The following FHIT variants were observed in gnomAD, a reference collection of about 807,000 sequenced individuals.
FHIT encodes bis(5'-adenosyl)-triphosphatase.
Under a neutral mutation model 17.9 loss-of-function variants are expected in FHIT, and 19 were observed. The ratio of observed to expected loss-of-function variants is 1.06; its 90% CI spans 0.74 to 1.56. FHIT has a LOEUF of 1.56. FHIT is among the 40% of genes most tolerant of loss of function. The pLI, the probability that FHIT is intolerant of heterozygous loss-of-function variation, is 0.00. For missense variants in FHIT, 248 were observed against 189.2 expected, an observed-to-expected ratio of 1.31 and a Z score of -1.82; for synonymous variants, 81 against 69.7, an observed-to-expected ratio of 1.16 and a Z score of -0.81.
intron 5 of FHIT, among the ~76,000 whole-genome samples, chr3:60,232,914 C>G (rs984596215): frequency 3.9e-5 from 6 of 152,162 alleles, no homozygotes. Flanking sequence ...ATACTGTCAA[C>G]TTTTAGAAGT....
At chr3:60,861,202 G>GT (rs1491289945) in intron 3 of FHIT, among the ~76,000 whole-genome samples, 1 of 452 alleles carries the variant, frequency 2.2e-3, no homozygotes, top group African/African-American at 8.3e-3. Context: ...TATCATATAT[G>GT]ATATATATGA....
intron 5 of FHIT, among the ~76,000 whole-genome samples, chr3:60,067,597 T>A (rs1200237747): frequency 6.6e-6 from 1 of 152,198 alleles, no homozygotes; most frequent in Non-Finnish European, 1.5e-5. Context: ...GCTTAACTTA[T>A]CAATTGCCAT....
chr3:61,216,896 A>G (rs2039694028), intron 1 of FHIT, among the ~76,000 whole-genome samples: 5 of 152,000 alleles, frequency 3.3e-5, no homozygotes, highest in Admixed American at 2.0e-4. Context: ...TCGCAAGGAC[A>G]AAAAACCAAA....
intron 8 of FHIT, among the ~76,000 whole-genome samples, chr3:59,788,994 C>T (rs900211055): frequency 1.3e-4 from 19 of 149,286 alleles, no homozygotes; most frequent in African/African-American, 4.7e-4. Context: ...ACCACTATGA[C>T]AGCCCCGCTA....
intron 4 of FHIT, among the ~76,000 whole-genome samples, chr3:60,549,025 G>A (rs2036460696): frequency 6.6e-6 from 1 of 152,044 alleles, no homozygotes. Context: ...TTCTTCTCAA[G>A]GACACACATA....
At chr3:60,308,979 C>G (rs1708813274) in intron 5 of FHIT, among the ~76,000 whole-genome samples, 1 of 152,112 alleles carries the variant, frequency 6.6e-6, no homozygotes. Context: ...ATCACACACC[C>G]AGTACGAAAA....
At chr3:60,102,805 A>G (rs1704247909) in intron 5 of FHIT, among the ~76,000 whole-genome samples, 1 of 152,190 alleles carries the variant, frequency 6.6e-6, no homozygotes, top group Admixed American at 6.5e-5. Flanking sequence ...AATGTGCAGG[A>G]TAATTTTCAA....
intron 4 of FHIT, among the ~76,000 whole-genome samples, chr3:60,601,953 A>T (rs1345517589): frequency 6.6e-6 from 1 of 152,166 alleles, no homozygotes; most frequent in African/African-American, 2.4e-5. Flanking sequence ...CTGAAAACTA[A>T]ATTACCATGA....
intron 5 of FHIT, among the ~76,000 whole-genome samples, chr3:60,466,290 C>G (rs1479897813): frequency 6.6e-6 from 1 of 151,964 alleles, no homozygotes; most frequent in Non-Finnish European, 1.5e-5. Flanking sequence ...TTGGTAGAGT[C>G]TTTAGATTTT....
rs560834616 is a variant in FHIT at position 60,887,933 on chromosome 3, C to T, written c.-110-65922G>A. ...ATGAACGTCTATATGGAAAATAATGCGATATCTGAGCTAAAAGGACTCTTA... is the reference window on the plus strand; with the variant it reads ...ATGAACGTCTATATGGAAAATAATGTGATATCTGAGCTAAAAGGACTCTTA... On this transcript the variant is annotated intron_variant, in intron 3 of 9. Transcript: ENST00000492590. Among the ~76,000 whole-genome samples the T allele has an allele frequency of 3.3e-5, 5 of 152,234 alleles. No homozygotes were observed. The South Asian group carries it at 6.2e-4, about 19-fold the overall frequency.
At chr3:60,314,089 A>G (rs1003516352) in intron 5 of FHIT, among the ~76,000 whole-genome samples, 1 of 138,162 alleles carries the variant, frequency 7.2e-6, no homozygotes, top group Admixed American at 7.7e-5. Flanking sequence ...TCGCTTTCAC[A>G]CTGGCTTTAT....
chr3:61,097,242 C>T (rs1331627792), intron 2 of FHIT, among the ~76,000 whole-genome samples: 1 of 152,072 alleles, frequency 6.6e-6, no homozygotes, highest in Non-Finnish European at 1.5e-5. Flanking sequence ...ACAGTGGGTG[C>T]AGGACAGTGG....
chr3:60,079,393 G>A lies in FHIT; in HGVS notation c.104-65241C>T, dbSNP rs537700244. Among the ~76,000 whole-genome samples the A allele has an allele frequency of 4.6e-5, 7 of 152,206 alleles. No homozygotes were observed. The East Asian group carries it at 9.7e-4, about 21-fold the overall frequency. On this transcript the variant is annotated intron_variant, in intron 5 of 9. Transcript: ENST00000492590. ...AGTGGGAGGATGAAAGCAATCGTGG[G>A]TGGGGGCTTCTTGAGAAGAGGGGTT...
At chr3:60,281,787 A>T (rs750588880) in intron 5 of FHIT, among the ~76,000 whole-genome samples, 1 of 152,188 alleles carries the variant, frequency 6.6e-6, no homozygotes, top group Non-Finnish European at 1.5e-5. Context: ...GTTTATAGAT[A>T]TAACAACAAA....
intron 2 of FHIT, among the ~76,000 whole-genome samples, chr3:61,108,564 A>G (rs1260453026): frequency 6.6e-6 from 1 of 152,184 alleles, no homozygotes; most frequent in African/African-American, 2.4e-5. Context: ...ATTACCCATT[A>G]AGGTAAAGGA....
intron 3 of FHIT, among the ~76,000 whole-genome samples, chr3:61,013,810 C>A (rs1286988397): frequency 6.6e-6 from 1 of 152,090 alleles, no homozygotes; most frequent in African/African-American, 2.4e-5. Context: ...TTTATATAGT[C>A]CCTGCCTCAA....
intron 3 of FHIT, among the ~76,000 whole-genome samples, chr3:60,862,233 C>T (rs528982334): frequency 1.1e-4 from 16 of 152,030 alleles, no homozygotes; most frequent in African/African-American, 1.7e-4. Flanking sequence ...GGCTGGAGTG[C>T]GGCAGTGAGA....
chr3:60,854,178 C>T (rs1005885135), intron 3 of FHIT, among the ~76,000 whole-genome samples: 2 of 152,096 alleles, frequency 1.3e-5, no homozygotes, highest in Admixed American at 6.6e-5. Flanking sequence ...ATAGAGTAAG[C>T]TCAAAGTGTT....
At chr3:60,124,228 T>C (rs1457991242) in intron 5 of FHIT, among the ~76,000 whole-genome samples, 1 of 151,172 alleles carries the variant, frequency 6.6e-6, no homozygotes, top group African/African-American at 2.4e-5. Context: ...TACATTTTTT[T>C]TAAAACAACA....
Sources: gnomAD v4.1 joint callset for allele counts (sites outside exome capture counted in the v4.1 genomes callset) on GRCh38, gnomAD v4.1.1 for gene constraint, MANE v1.5 for transcripts, NCBI Gene and HGNC (gene_info 2026-07-23, HGNC 2026-07-21) for gene names.